ADAT1: variants seen among roughly 807,000 people sequenced by gnomAD.
ADAT1 encodes adenosine deaminase tRNA specific 1.
Under a neutral mutation model 58.6 loss-of-function variants are expected in ADAT1, and 58 were observed. The observed-to-expected ratio is 0.99, with a 90% CI of 0.80 to 1.23. ADAT1 has a LOEUF of 1.23. ADAT1 is among the 50% of genes most tolerant of loss of function. ADAT1 has a pLI of 0.00. For synonymous variants in ADAT1, 254 were observed against 220.8 expected (o/e 1.15, Z -1.33); for missense variants, 741 against 608.6 (o/e 1.22, Z -2.29).
intron 8 of ADAT1, among the ~76,000 whole-genome samples, chr16:75,603,620 T>C (rs1430338183): frequency 6.6e-6 from 1 of 152,208 alleles, no homozygotes; most frequent in Non-Finnish European, 1.5e-5. Flanking sequence ...ACTCCTGCCA[T>C]GGGCATCACA....
At position 75,598,538 on chromosome 16, in the gene ADAT1, A is replaced by C. The variant is rs1402940137; in HGVS notation, c.*1678T>G. ...AAAAAATTTTTTTTTTTTTTTTTTG[A>C]GACAGGATCTCACTCTGTCACCCAG... On this transcript the variant is annotated 3_prime_UTR_variant, in exon 10 of 10. Coordinates refer to ENST00000564657, the MANE Select transcript of ADAT1 (RefSeq NM_001324445.2). 1.4e-5 allele frequency among the ~76,000 whole-genome samples: 2 copies of C among 138,916 alleles called. No homozygotes were observed. Among genetic ancestry groups the C allele is most frequent in the South Asian group, 4.5e-4 (2 of 4,432 alleles). The allele number at this position is 138,916 out of a possible 152,430, so 91.1% of individuals were successfully genotyped here. A position where few individuals can be genotyped will look rare whatever the true frequency, so the allele number is the denominator to read the frequency against.
At position 75,599,130 on chromosome 16, in the gene ADAT1, G is replaced by T. The variant is rs1390875871; in HGVS notation, c.*1086C>A. On this transcript the variant is annotated 3_prime_UTR_variant, in exon 10 of 10. Transcript: ENST00000564657. ...AGGGTCTTGCTCTATCACCCAGGCT[G>T]GAGTGCAGCGGTACGATCTTTGCTC... is the stretch of plus-strand genomic sequence containing the variant. 1.0e-6 allele frequency: 1 copy of T among 967,092 alleles called. No individual in the cohort carries two copies. The highest frequency in any genetic ancestry group is 1.2e-4 in the East Asian group (1 of 8,410). The allele number at this position is 967,092 out of a possible 1,614,324, so 59.9% of individuals were successfully genotyped here.
At chr16:75,618,419 T>C (rs998655166) in intron 4 of ADAT1, among the ~76,000 whole-genome samples, 167 bp downstream of exon 4, 1 of 151,566 alleles carries the variant, frequency 6.6e-6, no homozygotes, top group African/African-American at 2.4e-5. Context: ...GGCAGGAGAA[T>C]TGCTTGAACC....
intron 7 of ADAT1, 53 bp from the exon 8 acceptor site, chr16:75,608,376 C>T: frequency 7.0e-7 from 1 of 1,429,106 alleles, no homozygotes; most frequent in Non-Finnish European, 9.9e-7. Flanking sequence ...TTGTGAAAGT[C>T]AGAAGTATTT....
intron 5 of ADAT1, 128 bp from the exon 6 acceptor site, chr16:75,612,989 G>C: frequency 1.7e-6 from 2 of 1,150,136 alleles, no homozygotes; most frequent in Middle Eastern, 2.8e-4. Flanking sequence ...TGCTGAATCA[G>C]AAACTCCGGA....
At chr16:75,618,804 C>T in intron 3 of ADAT1, 164 bp from the exon 4 acceptor site, 1 of 767,382 alleles carries the variant, frequency 1.3e-6, no homozygotes, top group Non-Finnish European at 2.1e-6. Flanking sequence ...GCATCAGGTG[C>T]AGGGTTTCTC....
Position 75,598,913 on chromosome 16 carries a change from C to T in ADAT1, c.*1303G>A, listed in dbSNP as rs2081145485. On this transcript the variant is annotated 3_prime_UTR_variant, in exon 10 of 10. Coordinates refer to ENST00000564657, the MANE Select transcript of ADAT1 (RefSeq NM_001324445.2). ...TGTTATTTAAAAATATTTATAGCCA[C>T]AAAATGCTGAAGAACCAATAAGGAC... 1 of 985,064 alleles carries T rather than the reference C, an allele frequency of 1.0e-6. No individual in the cohort carries two copies. The highest frequency in any genetic ancestry group is 4.7e-5 in the South Asian group (1 of 21,286). 61.0% of individuals were successfully genotyped at this position (985,064 alleles called of 1,614,324 possible). A position where few individuals can be genotyped will look rare whatever the true frequency, so the allele number is the denominator to read the frequency against.
intron 2 of ADAT1, 103 bp from the exon 3 acceptor site, chr16:75,620,437 C>A: frequency 6.9e-7 from 1 of 1,453,040 alleles, no homozygotes; most frequent in South Asian, 1.2e-5. Flanking sequence ...CCCAGAGGCC[C>A]ACTCAACCAA....
rs750589528 is a variant in ADAT1, at chr16:75,598,799, G to A, written c.*1417C>T. On this transcript the variant is annotated 3_prime_UTR_variant, in exon 10 of 10. Coordinates refer to ENST00000564657, the MANE Select transcript of ADAT1 (RefSeq NM_001324445.2). ...CTCCCAAAGTGTTGGAATTACAGGC[G>A]TAAGCCACCGTGCCCGGCCTAAAAA... 40 of 748,820 alleles carry A rather than the reference G, an allele frequency of 5.3e-5. No individual in the cohort carries two copies. Among genetic ancestry groups the A allele is most frequent in the East Asian group, 1.3e-4 (1 of 7,672 alleles). 46.4% of individuals were successfully genotyped at this position (748,820 alleles called of 1,614,324 possible). A position where few individuals can be genotyped will look rare whatever the true frequency, so the allele number is the denominator to read the frequency against.
chr16:75,620,145 G>T (rs1469951661), intron 3 of ADAT1, 121 bp downstream of exon 3: 3 of 941,894 alleles, frequency 3.2e-6, no homozygotes, highest in Non-Finnish European at 5.1e-6. Flanking sequence ...TGGACTGATA[G>T]TCAGTAGGAA....
At chr16:75,611,069 G>A (rs1435928390) in intron 6 of ADAT1, among the ~76,000 whole-genome samples, 1 of 152,176 alleles carries the variant, frequency 6.6e-6, no homozygotes, top group Non-Finnish European at 1.5e-5. Flanking sequence ...AACTATGATT[G>A]TACCACTGCA....
intron 4 of ADAT1, among the ~76,000 whole-genome samples, chr16:75,617,884 C>T (rs1214913646): frequency 2.0e-5 from 3 of 148,760 alleles, no homozygotes; most frequent in Non-Finnish European, 3.0e-5. Context: ...CCCAGGAATC[C>T]AACACCAGCC....
intron 6 of ADAT1, among the ~76,000 whole-genome samples, chr16:75,609,885 G>T (rs1293910794): frequency 1.3e-5 from 2 of 151,612 alleles, no homozygotes; most frequent in African/African-American, 4.8e-5. Flanking sequence ...TAAATTTTTT[G>T]TAGAGATGGG....
intron 9 of ADAT1, among the ~76,000 whole-genome samples, chr16:75,601,283 T>G (rs2151739531): frequency 1.3e-5 from 2 of 151,100 alleles, no homozygotes; most frequent in African/African-American, 4.9e-5. Context: ...GAGGTTCCTG[T>G]AAGCTACGAT....
chr16:75,622,398 C>G lies in ADAT1; in HGVS notation c.-22+5G>C, dbSNP rs551036128. 2.3e-4 allele frequency: 35 copies of G among 152,244 alleles called. No homozygotes were observed. The highest frequency in any genetic ancestry group is 4.9e-4 in the Non-Finnish European group (33 of 68,014). 9.4% of individuals were successfully genotyped at this position (152,244 alleles called of 1,614,324 possible). ...TCCTAGAATCCTCGTTTGGAAGGGA[C>G]TCACCTCTCATTTCTAGGGAGGCAT... On this transcript the variant is annotated splice_donor_5th_base_variant and intron_variant, in intron 1 of 9. Coordinates refer to ENST00000564657, the MANE Select transcript of ADAT1 (RefSeq NM_001324445.2).
intron 8 of ADAT1, 131 bp from the exon 9 acceptor site, chr16:75,603,302 G>C (rs754422446): frequency 6.9e-6 from 5 of 727,992 alleles, no homozygotes; most frequent in Non-Finnish European, 1.1e-5. Context: ...ACCTGTACTT[G>C]GTGAGGAGAA....
At position 75,620,276 on chromosome 16, in the gene ADAT1, C is replaced by G; in HGVS notation, c.228G>C (p.Met76Ile). The change falls in exon 3 of 10, where the codon ATG (methionine) becomes ATC (isoleucine). Residue 76 changes from methionine (M) to isoleucine (I), a missense_variant. Transcript: ENST00000564657. ...TGTKCIGQSKMRKNGDILNDS... is the reference protein window; with the variant it reads ...TGTKCIGQSKIRKNGDILNDS... ...CCCACCCGTGCTTACCGTTCTTCCT[C>G]ATTTTGGACTGTCCTATGCATTTTG... The G allele has an allele frequency of 6.2e-7, 1 of 1,614,124 alleles. No homozygotes were observed. The highest frequency in any genetic ancestry group is 8.5e-7 in the Non-Finnish European group (1 of 1,179,980).
chr16:75,619,892 TCAAA>T (rs869218134), intron 3 of ADAT1: 5 of 112,654 alleles, frequency 4.4e-5, no homozygotes, highest in Non-Finnish European at 7.4e-5. Flanking sequence ...AGACTCCGAG[TCAAA>T]AAAAAAAAAA....
rs975858172 is a variant in ADAT1 at position 75,612,589 on chromosome 16, A to G, written c.697T>C (p.Cys233Arg). The change falls in exon 6 of 10, where the codon TGT becomes CGT. Residue 233 changes from cysteine to arginine, a missense_variant. Cys to Arg is a radical substitution (Grantham distance 180). Transcript: ENST00000564657. Reference sequence around the variant, plus strand: ...GCCAGTCCCTCTACAGTGAGATCACAGCTGTGGATGCCTGGTGAGATTGGG... The same window carrying G: ...GCCAGTCCCTCTACAGTGAGATCACGGCTGTGGATGCCTGGTGAGATTGGG... ...SGPISPGIHS[C>R]DLTVEGLATV... 2.2e-5 allele frequency: 35 copies of G among 1,614,012 alleles called. No individual in the cohort carries two copies. The highest frequency in any genetic ancestry group is 2.9e-5 in the Non-Finnish European group (34 of 1,180,050).
Sources: allele counts gnomAD v4.1 joint callset (sites outside exome capture counted in the v4.1 genomes callset), GRCh38; gene constraint gnomAD v4.1.1; transcripts MANE v1.5; gene names NCBI Gene and HGNC (gene_info 2026-07-23, HGNC 2026-07-21).